GABRA3: variants seen among roughly 807,000 people sequenced by gnomAD.
GABRA3 encodes the protein gamma-aminobutyric acid type A receptor subunit alpha3.
In GABRA3, 10 loss-of-function variants were observed where a neutral mutation model predicts 30.1. That is an observed-to-expected ratio of 0.33 (90% CI 0.20 to 0.56). The LOEUF (loss-of-function observed/expected upper bound fraction) is 0.56. Ranked by LOEUF, GABRA3 falls within the 20% of genes least tolerant of loss-of-function variation. The pLI is 0.89. For missense variants in GABRA3, 233 were observed against 392.0 expected (o/e 0.59, Z 3.42); for synonymous variants, 151 against 146.8 (o/e 1.03, Z -0.21).
intron 4 of GABRA3, among the ~76,000 whole-genome samples, chrX:152,281,117 G>A (rs920450083): frequency 9.0e-6 from 1 of 110,803 alleles, no homozygotes; most frequent in Admixed American, 9.7e-5. Context: ...AGCAGCCAAT[G>A]TTTTTCTCAG....
chrX:152,243,698 TG>T (rs1474175525), intron 5 of GABRA3, among the ~76,000 whole-genome samples: 3 of 111,837 alleles, frequency 2.7e-5, no homozygotes, highest in African/African-American at 9.7e-5. Flanking sequence ...TTCAGCATAC[TG>T]GGTTCATGTC....
At chrX:152,279,642 G>A (rs1216029872) in intron 4 of GABRA3, among the ~76,000 whole-genome samples, 1 of 111,174 alleles carries the variant, frequency 9.0e-6, no homozygotes, top group Non-Finnish European at 1.9e-5. Flanking sequence ...TTCCAATTCT[G>A]TGAAGAAAAT....
chrX:152,168,689 T>G, intron 9 of GABRA3, 126 bp from the exon 10 acceptor site: 1 of 495,535 alleles, frequency 2.0e-6, no homozygotes, highest in Non-Finnish European at 3.5e-6. Context: ...ACAGGGGCCA[T>G]GTAGCCAATA....
intron 6 of GABRA3, 112 bp from the exon 7 acceptor site, chrX:152,208,256 G>T: frequency 1.3e-6 from 1 of 798,716 alleles, no homozygotes; most frequent in Non-Finnish European, 1.8e-6. Flanking sequence ...AAGAGTTCTG[G>T]GTATGTGGTC....
At chrX:152,413,319 T>C (rs1388211946) in intron 1 of GABRA3, among the ~76,000 whole-genome samples, 2 of 110,948 alleles carry the variant, frequency 1.8e-5, no homozygotes, top group African/African-American at 6.5e-5. Flanking sequence ...ATGAGGCCAG[T>C]ATTGTCCTGG....
chrX:152,339,279 G>A (rs1047461459), intron 3 of GABRA3, among the ~76,000 whole-genome samples: 11 of 109,046 alleles, frequency 1.0e-4, no homozygotes, highest in Admixed American at 7.8e-4. Flanking sequence ...CCAGGCTGGA[G>A]TGCGGTGGTG....
chrX:152,252,128 A>G (rs1160817264), intron 5 of GABRA3, among the ~76,000 whole-genome samples: 1 of 111,012 alleles, frequency 9.0e-6, no homozygotes, highest in Non-Finnish European at 1.9e-5. Flanking sequence ...GAATGTAGCT[A>G]TGATACCTCC....
intron 3 of GABRA3, among the ~76,000 whole-genome samples, chrX:152,318,026 G>A (rs1939904694): frequency 9.0e-6 from 1 of 111,267 alleles, no homozygotes. Context: ...GAAACAAAAA[G>A]CCTGTTCTTT....
chrX:152,382,102 TC>T (rs768935440), intron 1 of GABRA3, among the ~76,000 whole-genome samples: 6 of 111,224 alleles, frequency 5.4e-5, no homozygotes, highest in Non-Finnish European at 9.4e-5. Context: ...AATAACCCCA[TC>T]AAAAAGTGGG....
intron 7 of GABRA3, among the ~76,000 whole-genome samples, chrX:152,199,623 A>T (rs1291074677): frequency 9.0e-6 from 1 of 110,766 alleles, no homozygotes; most frequent in Non-Finnish European, 1.9e-5. Flanking sequence ...TCTCTACTCA[A>T]CTCTAAGATT....
intron 3 of GABRA3, among the ~76,000 whole-genome samples, chrX:152,289,653 C>T (rs1310831232): frequency 9.0e-6 from 1 of 110,923 alleles, no homozygotes; most frequent in East Asian, 2.9e-4. Context: ...TCTCCTAATG[C>T]TATCCCTCCC....
intron 5 of GABRA3, among the ~76,000 whole-genome samples, chrX:152,233,152 G>T (rs763872306): frequency 2.8e-5 from 3 of 107,677 alleles, no homozygotes; most frequent in African/African-American, 1.0e-4. Flanking sequence ...TGATGGGGTT[G>T]TTTGTTTTTT....
intron 3 of GABRA3, among the ~76,000 whole-genome samples, chrX:152,329,297 A>G (rs1035991973): frequency 5.4e-5 from 6 of 111,877 alleles, no homozygotes; most frequent in South Asian, 3.8e-4. Flanking sequence ...ATTCAATGCC[A>G]TCCCCATCAA....
intron 6 of GABRA3, among the ~76,000 whole-genome samples, chrX:152,210,048 T>G (rs763032933): frequency 8.0e-5 from 9 of 112,888 alleles, no homozygotes; most frequent in African/African-American, 2.9e-4. Flanking sequence ...TATAAAGGTT[T>G]GTTGCTGAAA....
At chrX:152,263,646 T>G (rs779365470) in intron 4 of GABRA3, among the ~76,000 whole-genome samples, 1 of 110,584 alleles carries the variant, frequency 9.0e-6, no homozygotes, top group Non-Finnish European at 1.9e-5. Context: ...CAGAAAGAGA[T>G]AGAGGTAGAA....
rs761469523 is a variant in GABRA3 at position 152,435,067 on chromosome X, T to C, written c.-27+16079A>G. The stretch of plus-strand genomic sequence containing the variant: ...ATACAGTAAAAATAAAATAAAATAA[T>C]ATAAATACAGCAAGAAAAAAAGATA... On this transcript the variant is annotated intron_variant, in intron 1 of 9. Transcript: ENST00000370314. 7.2e-5 allele frequency among the ~76,000 whole-genome samples: 8 copies of C among 111,391 alleles called. No individual in the cohort carries two copies. In the South Asian group the frequency reaches 3.0e-3, roughly 41 times the overall value.
At chrX:152,386,857 T>C (rs1207791398) in intron 1 of GABRA3, among the ~76,000 whole-genome samples, 50 of 109,148 alleles carry the variant, frequency 4.6e-4, no homozygotes, top group Non-Finnish European at 7.6e-4. Context: ...CGTATGTTTA[T>C]TGTGGCACTA....
chrX:152,402,254 A>C (rs1929813994), intron 1 of GABRA3, among the ~76,000 whole-genome samples: 1 of 111,945 alleles, frequency 8.9e-6, no homozygotes, highest in African/African-American at 3.2e-5. Context: ...TCTATTCTGC[A>C]GACTGTGCCA....
chrX:152,325,304 G>A (rs1940035973), intron 3 of GABRA3, among the ~76,000 whole-genome samples: 1 of 112,032 alleles, frequency 8.9e-6, no homozygotes, highest in Non-Finnish European at 1.9e-5. Context: ...CAATGCAGAA[G>A]ACGAATGATT....
Sources: gnomAD v4.1 joint callset for allele counts (sites outside exome capture counted in the v4.1 genomes callset) on GRCh38, gnomAD v4.1.1 for gene constraint, MANE v1.5 for transcripts, NCBI Gene and HGNC (gene_info 2026-07-23, HGNC 2026-07-21) for gene names.